The following DIS3L2 variants were observed in gnomAD, a reference collection of about 807,000 sequenced individuals.
The protein encoded by DIS3L2 is DIS3 like 3'-5' exoribonuclease 2.
Under a neutral mutation model 97.5 loss-of-function variants are expected in DIS3L2, and 34 were observed. That is an observed-to-expected ratio of 0.35 (90% confidence interval 0.27 to 0.46). The LOEUF (loss-of-function observed/expected upper bound fraction) is 0.46, where lower values mean the gene tolerates loss of function less well. Ranked by LOEUF, DIS3L2 falls within the 20% of genes least tolerant of loss-of-function variation. The pLI, the probability that DIS3L2 is intolerant of heterozygous loss-of-function variation, is 1.00. For synonymous variants in DIS3L2, 435 were observed against 445.2 expected, an observed-to-expected ratio of 0.98 and a Z score of 0.29; for missense variants, 1,038 against 1,146.0, an observed-to-expected ratio of 0.91 and a Z score of 1.36.
chr2:232,242,082 T>C (rs1574967075), intron 11 of DIS3L2, among the ~76,000 whole-genome samples: 1 of 152,356 alleles, frequency 6.6e-6, no homozygotes, highest in African/African-American at 2.4e-5. Flanking sequence ...TGTTGATGTT[T>C]TGTTAACGTC....
chr2:232,174,138 G>C (rs550466568), intron 9 of DIS3L2, among the ~76,000 whole-genome samples: 1 of 152,008 alleles, frequency 6.6e-6, no homozygotes, highest in Admixed American at 6.6e-5. Flanking sequence ...AGTATACAAG[G>C]CTTCTTTGTT....
intron 10 of DIS3L2, among the ~76,000 whole-genome samples, chr2:232,221,706 T>TGG (rs1203900815): frequency 6.6e-6 from 1 of 151,686 alleles, no homozygotes; most frequent in Non-Finnish European, 1.5e-5. Flanking sequence ...GAGGCTGAGG[T>TGG]GGGAGAATCA....
At chr2:232,010,070 T>C (rs536127552) in intron 1 of DIS3L2, among the ~76,000 whole-genome samples, 1 of 152,328 alleles carries the variant, frequency 6.6e-6, no homozygotes, top group South Asian at 2.1e-4. Context: ...AGCCCCAGGC[T>C]AAAACACCAC....
In DIS3L2 at chr2:232,008,319, C is replaced by T. The variant is rs1325551800; in HGVS notation, c.-93-6516C>T. On this transcript the variant is annotated intron_variant, in intron 1 of 20. Transcript: ENST00000325385. ...CTGGGATTACAGGTGTGAGCCACCA[C>T]ATCTGGCCAAATTTTCTCTTTTTGA... 2.0e-5 allele frequency among the ~76,000 whole-genome samples: 3 copies of T among 151,828 alleles called. No individual in the cohort carries two copies. In the East Asian group the frequency reaches 5.8e-4, roughly 29 times the overall value.
At chr2:232,249,699 A>T (rs1693366017) in intron 12 of DIS3L2, among the ~76,000 whole-genome samples, 1 of 152,236 alleles carries the variant, frequency 6.6e-6, no homozygotes, top group South Asian at 2.1e-4. Flanking sequence ...TGCAGTTAGG[A>T]GAGCAGAGCC....
intron 5 of DIS3L2, among the ~76,000 whole-genome samples, chr2:232,049,351 C>G (rs1317702260): frequency 6.6e-6 from 1 of 151,890 alleles, no homozygotes; most frequent in Non-Finnish European, 1.5e-5. Context: ...TGAATGTATC[C>G]CCAGAATTCA....
rs145937938 is a variant in DIS3L2, at chr2:231,986,440, C to T, written c.-94+24675C>T. 9.9e-5 allele frequency among the ~76,000 whole-genome samples: 15 copies of T among 152,260 alleles called. No homozygotes were observed. In the East Asian group the frequency reaches 2.9e-3, roughly 29 times the overall value. ...ATCATCTATAACAATTTTGTCAATT[C>T]GCCTAGCAACGTCCCTTTTAGCATC... On this transcript the variant is annotated intron_variant, in intron 1 of 20. Coordinates refer to ENST00000325385, the MANE Select transcript of DIS3L2 (RefSeq NM_152383.5).
At chr2:232,319,797 A>C (rs920382473) in intron 14 of DIS3L2, among the ~76,000 whole-genome samples, 1 of 152,206 alleles carries the variant, frequency 6.6e-6, no homozygotes, top group Non-Finnish European at 1.5e-5. Context: ...CTTGGCCTCC[A>C]GAGTGGTAGC....
Position 232,037,036 on chromosome 2 carries a change from A to G in DIS3L2, c.366+6956A>G, listed in dbSNP as rs757404779. ...CTTGAGGAGGCAATCTGAGGAGGCA[A>G]TCTGTCCCTTAGCAGAGCTAGAGCG... On this transcript the variant is annotated intron_variant, in intron 5 of 20. Transcript: ENST00000325385. This position sits in a 1 kb window ranked among gnomAD's most constrained non-coding sequence, Gnocchi z 4.6. Among the ~76,000 whole-genome samples the G allele has an allele frequency of 2.2e-4, 33 of 152,308 alleles. No homozygotes were observed. Among genetic ancestry groups the G allele is most frequent in the Middle Eastern group, 3.4e-3 (1 of 294 alleles).
At chr2:232,252,993 C>T (rs563915118) in intron 12 of DIS3L2, among the ~76,000 whole-genome samples, 1 of 152,254 alleles carries the variant, frequency 6.6e-6, no homozygotes, top group South Asian at 2.1e-4. Flanking sequence ...CCCCAAAATA[C>T]CCAAGTCTAA....
intron 9 of DIS3L2, among the ~76,000 whole-genome samples, chr2:232,185,338 A>C (rs763040958): frequency 6.6e-6 from 1 of 152,254 alleles, no homozygotes; most frequent in Non-Finnish European, 1.5e-5. Context: ...ACACACTTAT[A>C]AATAATTCAC....
At chr2:231,984,531 C>T (rs1215801168) in intron 1 of DIS3L2, among the ~76,000 whole-genome samples, 8 of 151,604 alleles carry the variant, frequency 5.3e-5, no homozygotes, top group East Asian at 1.9e-4. Flanking sequence ...GGACTACAGG[C>T]GCCTGCTACC....
chr2:232,298,196 C>T (rs1294701866), intron 13 of DIS3L2, among the ~76,000 whole-genome samples: 2 of 152,158 alleles, frequency 1.3e-5, no homozygotes, highest in Admixed American at 6.5e-5. Context: ...TTTGCCACTG[C>T]TGGACTTTTT....
chr2:232,333,798 C>CATTAAAA, intron 16 of DIS3L2, 42 bp from the exon 17 acceptor site: 6 of 1,508,090 alleles, frequency 4.0e-6, no homozygotes, highest in South Asian at 4.0e-5. Flanking sequence ...CCTGGCTGGG[C>CATTAAAA]AGCTCTGGGC....
chr2:232,228,522 A>C (rs1692706804), intron 10 of DIS3L2, among the ~76,000 whole-genome samples: 1 of 152,208 alleles, frequency 6.6e-6, no homozygotes, highest in South Asian at 2.1e-4. Context: ...TCCTGTTCAG[A>C]AGGAGTATGC....
At chr2:232,328,930 A>T (rs535306223) in intron 14 of DIS3L2, 14 of 152,176 alleles carry the variant, frequency 9.2e-5, no homozygotes, top group Admixed American at 2.6e-4. Context: ...AGTGGTGCTG[A>T]CCTCAGTGCT....
intron 8 of DIS3L2, among the ~76,000 whole-genome samples, chr2:232,144,187 T>C (rs1415868523): frequency 6.6e-6 from 1 of 152,158 alleles, no homozygotes; most frequent in Non-Finnish European, 1.5e-5. Context: ...AGGAAATTAC[T>C]GAATCATACA....
rs116756902 is a variant in DIS3L2, at chr2:232,253,679, G to A, written c.1425+4333G>A. Among the ~76,000 whole-genome samples, 1,198 of 152,092 alleles carry A rather than the reference G, an allele frequency of 7.9e-3. 12 individuals carry two copies. The highest frequency in any genetic ancestry group is 0.02 in the Middle Eastern group (6 of 294). ...TAGTTACGTGGGCATGGTGGGGGAG[G>A]GAGTGTGTATGGAAGAAAAAATAAA... On this transcript the variant is annotated intron_variant, in intron 12 of 20. Transcript: ENST00000325385.
chr2:232,251,277 A>T (rs540182642), intron 12 of DIS3L2, among the ~76,000 whole-genome samples: 15 of 152,312 alleles, frequency 9.8e-5, no homozygotes, highest in African/African-American at 3.6e-4. Flanking sequence ...TCTTTAGGGA[A>T]TTTTTTTAAA....
Sources: gnomAD v4.1 joint callset for allele counts (sites outside exome capture counted in the v4.1 genomes callset) on GRCh38, gnomAD v4.1.1 for gene constraint, Gnocchi (gnomAD v3.1) non-coding constraint, MANE v1.5 for transcripts, NCBI Gene and HGNC (gene_info 2026-07-23, HGNC 2026-07-21) for gene names.